EIF4EBP1: variants seen among roughly 807,000 people sequenced by gnomAD.
The protein encoded by EIF4EBP1 is eukaryotic translation initiation factor 4E-binding protein 1.
In EIF4EBP1, 5 loss-of-function variants were observed where a neutral mutation model predicts 9.2. That is an observed-to-expected ratio of 0.54 (90% CI 0.28 to 1.14). The LOEUF is 1.14. Among genes scored for constraint, EIF4EBP1 ranks in the 50% most tolerant of loss-of-function variants. The pLI is 0.09. For missense variants in EIF4EBP1, 139 were observed against 169.6 expected (o/e 0.82, Z 1.00); for synonymous variants, 62 against 67.0 (o/e 0.93, Z 0.36).
At chr8:38,055,933 A>G (rs1339635839) in intron 1 of EIF4EBP1, among the ~76,000 whole-genome samples, 1 of 152,096 alleles carries the variant, frequency 6.6e-6, no homozygotes, top group Admixed American at 6.6e-5. Context: ...CACTGGCAGG[A>G]CACACTGGGG....
chr8:38,048,691 A>G (rs1221002491), intron 1 of EIF4EBP1, among the ~76,000 whole-genome samples: 1 of 151,944 alleles, frequency 6.6e-6, no homozygotes, highest in African/African-American at 2.4e-5. Flanking sequence ...AAATGTCTCT[A>G]TGGCCAGGTG....
At chr8:38,035,026 A>G (rs1432866002) in intron 1 of EIF4EBP1, among the ~76,000 whole-genome samples, 1 of 152,178 alleles carries the variant, frequency 6.6e-6, no homozygotes, top group East Asian at 1.9e-4. Flanking sequence ...AGGCTGAGAC[A>G]GGAAAATTAC....
intron 1 of EIF4EBP1, among the ~76,000 whole-genome samples, chr8:38,053,508 G>A (rs1280192840): frequency 3.3e-5 from 5 of 152,194 alleles, no homozygotes; most frequent in African/African-American, 9.6e-5. Context: ...GTGCCACCAC[G>A]CCTGGCTAAT....
chr8:38,059,716 A>G (rs975029684), intron 2 of EIF4EBP1, among the ~76,000 whole-genome samples, 188 bp from the exon 3 acceptor site: 5 of 151,552 alleles, frequency 3.3e-5, no homozygotes, highest in Non-Finnish European at 5.9e-5. Context: ...AAATTGGGCC[A>G]CTGCACTCCA....
intron 1 of EIF4EBP1, among the ~76,000 whole-genome samples, chr8:38,039,445 G>A (rs372789362): frequency 6.5e-5 from 8 of 123,812 alleles, no homozygotes; most frequent in South Asian, 2.6e-4. Flanking sequence ...TTGCTCTATC[G>A]CCCAGGCTGG....
At chr8:38,054,434 G>A (rs1809566837) in intron 1 of EIF4EBP1, among the ~76,000 whole-genome samples, 1 of 152,144 alleles carries the variant, frequency 6.6e-6, no homozygotes, top group Non-Finnish European at 1.5e-5. Flanking sequence ...CTGGGTGACA[G>A]AGCAAGACTC....
chr8:38,057,359 C>T, intron 2 of EIF4EBP1, 99 bp downstream of exon 2: 1 of 1,388,158 alleles, frequency 7.2e-7, no homozygotes, highest in South Asian at 1.4e-5. Context: ...GGAGGAACAA[C>T]AGGGACTCTG....
chr8:38,052,389 T>C (rs1039998602), intron 1 of EIF4EBP1, among the ~76,000 whole-genome samples: 2 of 145,178 alleles, frequency 1.4e-5, no homozygotes, highest in African/African-American at 5.7e-5. Flanking sequence ...GCCTCCCGCG[T>C]AGCTAGGACT....
intron 1 of EIF4EBP1, among the ~76,000 whole-genome samples, chr8:38,037,439 C>T (rs962119277): frequency 6.6e-6 from 1 of 152,144 alleles, no homozygotes; most frequent in Admixed American, 6.5e-5. Context: ...GCCTCGCCTC[C>T]TGAGTAGCTG....
intron 1 of EIF4EBP1, among the ~76,000 whole-genome samples, 156 bp from the exon 2 acceptor site, chr8:38,056,925 A>G (rs1204485940): frequency 6.6e-6 from 1 of 152,056 alleles, no homozygotes; most frequent in African/African-American, 2.4e-5. Context: ...GGTCTCCCAA[A>G]GTGCTGGGAT....
intron 1 of EIF4EBP1, among the ~76,000 whole-genome samples, chr8:38,041,603 A>G (rs1809380555): frequency 6.6e-6 from 1 of 152,198 alleles, no homozygotes; most frequent in South Asian, 2.1e-4. Context: ...CAACCCTGTG[A>G]ATCAGGGTTA....
At chr8:38,031,023 G>T (rs1460979123) in intron 1 of EIF4EBP1, among the ~76,000 whole-genome samples, 1 of 152,220 alleles carries the variant, frequency 6.6e-6, no homozygotes, top group East Asian at 1.9e-4. Flanking sequence ...CCCCTTGTGG[G>T]TGTTGGGGGC....
At chr8:38,037,202 A>T (rs1809315643) in intron 1 of EIF4EBP1, among the ~76,000 whole-genome samples, 1 of 152,106 alleles carries the variant, frequency 6.6e-6, no homozygotes, top group South Asian at 2.1e-4. Flanking sequence ...GAGCAGTCTT[A>T]CTCATCTTTG....
intron 1 of EIF4EBP1, among the ~76,000 whole-genome samples, chr8:38,052,717 C>CAA (rs746753182): frequency 7.1e-4 from 86 of 120,870 alleles, no homozygotes; most frequent in African/African-American, 2.0e-3. Context: ...GACTCCATCT[C>CAA]AAAAAAAAAA....
chr8:38,051,757 C>T (rs746461873), intron 1 of EIF4EBP1, among the ~76,000 whole-genome samples: 10 of 152,002 alleles, frequency 6.6e-5, no homozygotes, highest in East Asian at 1.9e-4. Flanking sequence ...CCACCATGCC[C>T]GGCTAATTTT....
intron 1 of EIF4EBP1, among the ~76,000 whole-genome samples, chr8:38,055,357 G>A (rs1482436673): frequency 2.0e-5 from 3 of 152,126 alleles, no homozygotes; most frequent in Non-Finnish European, 4.4e-5. Context: ...AAAATAAAGT[G>A]TAAGAAATGA....
chr8:38,038,760 C>G (rs1253660299), intron 1 of EIF4EBP1, among the ~76,000 whole-genome samples: 4 of 151,980 alleles, frequency 2.6e-5, no homozygotes, highest in Admixed American at 6.6e-5. Context: ...GGACAGTGAG[C>G]TGCAGCTCCC....
chr8:38,036,661 T>C lies in EIF4EBP1; in HGVS notation c.145+5943T>C, dbSNP rs368795104. Among the ~76,000 whole-genome samples, 1,462 of 151,948 alleles carry C rather than the reference T, an allele frequency of 9.6e-3. 24 individuals are homozygous for C. The highest frequency in any genetic ancestry group is 0.034 in the African/African-American group (1,389 of 41,352). ...ATGAGTTAGGAAGGCACAGCAATAT[T>C]GTTTCTTCTTTTTTTTTTAATTTGA... On this transcript the variant is annotated intron_variant, in intron 1 of 2. Coordinates refer to ENST00000338825, the MANE Select transcript of EIF4EBP1 (RefSeq NM_004095.4).
In EIF4EBP1 at chr8:38,041,466, A is replaced by T. The variant is rs1224303332; in HGVS notation, c.145+10748A>T. ...AAACAGGAATGGGAGGAGTGGTAGG[A>T]GCCACATTTTCGAATAATCCTCCAC... is the stretch of plus-strand genomic sequence containing the variant. On this transcript the variant is annotated intron_variant, in intron 1 of 2. Transcript: ENST00000338825. 3.3e-5 allele frequency among the ~76,000 whole-genome samples: 5 copies of T among 152,196 alleles called. No homozygotes were observed. The East Asian group carries it at 9.6e-4, about 29-fold the overall frequency.
Sources: gnomAD v4.1 joint callset for allele counts (sites outside exome capture counted in the v4.1 genomes callset) on GRCh38, gnomAD v4.1.1 for gene constraint, MANE v1.5 for transcripts, NCBI Gene and HGNC (gene_info 2026-07-23, HGNC 2026-07-21) for gene names.